TGM6: variants seen among roughly 807,000 people sequenced by gnomAD.
TGM6 encodes protein-glutamine gamma-glutamyltransferase 6.
Under a neutral mutation model 77.5 loss-of-function variants are expected in TGM6, and 74 were observed. The observed-to-expected ratio is 0.96, with a 90% CI of 0.79 to 1.16. The LOEUF (loss-of-function observed/expected upper bound fraction) is 1.16. Among genes scored for constraint, TGM6 ranks in the 50% most tolerant of loss-of-function variants. The pLI is 0.00. For missense variants in TGM6, 968 were observed against 940.2 expected (o/e 1.03, Z -0.39); for synonymous variants, 383 against 378.9 (o/e 1.01, Z -0.12).
intron 10 of TGM6, among the ~76,000 whole-genome samples, chr20:2,419,878 G>A (rs2084844175): frequency 6.6e-6 from 1 of 152,150 alleles, no homozygotes; most frequent in South Asian, 2.1e-4. Context: ...GTAAGCAAGT[G>A]AACATTTTGA....
chr20:2,431,483 T>G (rs1444684810), intron 12 of TGM6, among the ~76,000 whole-genome samples: 1 of 152,264 alleles, frequency 6.6e-6, no homozygotes. Flanking sequence ...ATTCATTCAC[T>G]CCTTCATTCT....
At chr20:2,417,172 C>T in intron 9 of TGM6, 60 bp from the exon 10 acceptor site, 2 of 1,489,922 alleles carry the variant, frequency 1.3e-6, no homozygotes, top group Admixed American at 3.9e-5. Context: ...CTTCCATGAG[C>T]CATAGTAAAT....
chr20:2,432,354 C>T, intron 12 of TGM6, 136 bp from the exon 13 acceptor site: 3 of 1,153,880 alleles, frequency 2.6e-6, no homozygotes, highest in Admixed American at 3.5e-5. Context: ...GGCCTGCAAA[C>T]ATGTTGATAA....
At chr20:2,413,583 A>C (rs913777660) in intron 9 of TGM6, among the ~76,000 whole-genome samples, 1 of 152,238 alleles carries the variant, frequency 6.6e-6, no homozygotes, top group Non-Finnish European at 1.5e-5. Flanking sequence ...CAATGGAGAA[A>C]GAATAAGAAT....
intron 1 of TGM6, among the ~76,000 whole-genome samples, chr20:2,382,220 C>A (rs958751575): frequency 2.6e-5 from 4 of 152,236 alleles, no homozygotes; most frequent in African/African-American, 9.6e-5. Flanking sequence ...CAGTTAACAG[C>A]ATTGCTGGAC....
intron 1 of TGM6, among the ~76,000 whole-genome samples, chr20:2,387,274 C>T (rs190086615): frequency 1.3e-5 from 2 of 152,298 alleles, no homozygotes; most frequent in East Asian, 3.9e-4. Context: ...GAGGTTTGTG[C>T]CTGCCCTAGA....
Position 2,396,516 on chromosome 20 carries a change from G to A in TGM6, c.435G>A (p.Val145=), listed in dbSNP as rs141990602. 30 of 1,614,206 alleles carry A rather than the reference G, an allele frequency of 1.9e-5. No homozygotes were observed. The African/African-American group carries it at 3.7e-4, about 20-fold the overall frequency. ...LFNPWCAEDD[V]FLASEEERQE... Reference sequence around the variant, plus strand: ...ATGACTGCTTTTCAGAGGACGATGTGTTTCTGGCCTCAGAGGAGGAGAGAC... The same window carrying A: ...ATGACTGCTTTTCAGAGGACGATGTATTTCTGGCCTCAGAGGAGGAGAGAC... The change falls in exon 4 of 13, where the codon GTG becomes GTA. Residue 145 remains valine, a synonymous_variant. Coordinates refer to ENST00000202625, the MANE Select transcript of TGM6 (RefSeq NM_198994.3).
At chr20:2,406,231 G>T (rs1013736977) in intron 9 of TGM6, among the ~76,000 whole-genome samples, 1 of 152,146 alleles carries the variant, frequency 6.6e-6, no homozygotes. Context: ...TCTCTGATAA[G>T]ACCTGCAGAT....
rs760044645 is a variant in TGM6 at position 2,395,377 on chromosome 20, G to A, written c.365G>A (p.Arg122His). 51 of 1,614,106 alleles carry A rather than the reference G, an allele frequency of 3.2e-5. No individual in the cohort carries two copies. Among genetic ancestry groups the A allele is most frequent in the East Asian group, 1.3e-4 (6 of 44,902 alleles). Residue 122 changes from arginine to histidine, a missense_variant, in exon 3 of 13, where the codon CGC becomes CAC. Physicochemically the swap from Arg to His is conservative, Grantham distance 29. Coordinates refer to ENST00000202625, the MANE Select transcript of TGM6 (RefSeq NM_198994.3). ...CTGAGCATCAGGCTTTCCTCTCACC[G>A]CAAACACAGCAACCGGAGGCTGGGC... Reference protein sequence around the residue: ...YLLSIRLSSHRKHSNRRLGEF... With the variant: ...YLLSIRLSSHHKHSNRRLGEF...
At chr20:2,403,344 C>T in intron 7 of TGM6, 53 bp from the exon 8 acceptor site, 1 of 1,597,738 alleles carries the variant, frequency 6.3e-7, no homozygotes, top group Non-Finnish European at 8.6e-7. Context: ...GTAGGATCTT[C>T]CCTTCCTATG....
chr20:2,420,673 A>G (rs2084849867), intron 10 of TGM6, among the ~76,000 whole-genome samples: 2 of 152,082 alleles, frequency 1.3e-5, no homozygotes, highest in South Asian at 4.1e-4. Flanking sequence ...ACCCCCAGTG[A>G]CCACTGATCT....
rs2084667771 is a variant in TGM6 at position 2,396,438 on chromosome 20, G to GC, written c.425-67dup. On this transcript the variant is annotated intron_variant, in intron 3 of 12. Coordinates refer to ENST00000202625, the MANE Select transcript of TGM6 (RefSeq NM_198994.3). Reference sequence around the variant, plus strand: ...CGCTGCCCTGCTGCTGATCCCTGATGCAGCCCCTTCCCCAGGCCAGCAAGG... The same window carrying GC: ...CGCTGCCCTGCTGCTGATCCCTGATGCCAGCCCCTTCCCCAGGCCAGCAAGG... 2.0e-6 allele frequency: 3 copies of GC among 1,505,258 alleles called. No individual in the cohort carries two copies. The Admixed American group carries it at 5.0e-5, about 25-fold the overall frequency. 93.2% of individuals were successfully genotyped at this position (1,505,258 alleles called of 1,614,324 possible). A position where few individuals can be genotyped will look rare whatever the true frequency, so the allele number is the denominator to read the frequency against.
rs1347848861 is a variant in TGM6 at position 2,380,947 on chromosome 20, G to A, written c.-22G>A. The A allele has an allele frequency of 6.2e-7, 1 of 1,605,866 alleles. No individual in the cohort carries two copies. Among genetic ancestry groups the A allele is most frequent in the Non-Finnish European group, 8.5e-7 (1 of 1,177,720 alleles). ...GCACACACTGCTGTGTGGAGGAACA[G>A]AGGAGTCCAGCTGGCCTTCACATGG... is the stretch of plus-strand genomic sequence containing the variant. On this transcript the variant is annotated 5_prime_UTR_variant, in exon 1 of 13. Coordinates refer to ENST00000202625, the MANE Select transcript of TGM6 (RefSeq NM_198994.3).
In TGM6 at chr20:2,403,411, G is replaced by A; in HGVS notation, c.1004G>A (p.Trp335Ter). ...CTCTGTGGCAGGAATTTCCATGTCT[G>A]GAATGAGAGCTGGTTTGCCCGGCAG... is the stretch of plus-strand genomic sequence containing the variant. ...TEDSMWNFHV[W>*]NESWFARQDL... Residue 335 changes from tryptophan (W) to a stop codon, truncating the protein, a stop_gained, in exon 8 of 13, where the codon TGG becomes TAG. Transcript: ENST00000202625. LOFTEE classifies it high-confidence loss of function. The A allele has an allele frequency of 6.2e-7, 1 of 1,614,166 alleles. No homozygotes were observed. The highest frequency in any genetic ancestry group is 8.5e-7 in the Non-Finnish European group (1 of 1,180,034).
At chr20:2,396,684 C>A in intron 4 of TGM6, 60 bp downstream of exon 4, 1 of 1,500,144 alleles carries the variant, frequency 6.7e-7, no homozygotes, top group Non-Finnish European at 9.3e-7. Flanking sequence ...GTCGGTGGGA[C>A]TGGAGTCCCT....
intron 9 of TGM6, among the ~76,000 whole-genome samples, chr20:2,409,486 C>T (rs1388133602): frequency 2.0e-5 from 3 of 152,038 alleles, no homozygotes; most frequent in Admixed American, 1.3e-4. Flanking sequence ...CCGAGGTGTG[C>T]AGATCACCTG....
At chr20:2,400,993 C>T (rs1213181547) in intron 7 of TGM6, among the ~76,000 whole-genome samples, 1 of 151,848 alleles carries the variant, frequency 6.6e-6, no homozygotes, top group Non-Finnish European at 1.5e-5. Flanking sequence ...GAGCTGAGAT[C>T]ACACCATTAC....
chr20:2,420,088 C>CA (rs1358971678), intron 10 of TGM6, among the ~76,000 whole-genome samples: 63 of 151,990 alleles, frequency 4.1e-4, no homozygotes, highest in Non-Finnish European at 2.6e-4. Flanking sequence ...ACTAAAAATA[C>CA]AAAAAAATTA....
At chr20:2,382,358 G>A (rs1171255453) in intron 1 of TGM6, among the ~76,000 whole-genome samples, 1 of 152,128 alleles carries the variant, frequency 6.6e-6, no homozygotes, top group Admixed American at 6.5e-5. Flanking sequence ...GGTGCAGAGG[G>A]GATTGCCTTT....
Sources: gnomAD v4.1 joint callset for allele counts (sites outside exome capture counted in the v4.1 genomes callset) on GRCh38, gnomAD v4.1.1 for gene constraint, MANE v1.5 for transcripts, NCBI Gene and HGNC (gene_info 2026-07-23, HGNC 2026-07-21) for gene names.